SLC25A26: variants seen among roughly 807,000 people sequenced by gnomAD.
SLC25A26 encodes the protein solute carrier family 25 member 26, also known as mitochondrial S-adenosylmethionine carrier protein.
In SLC25A26, 36 loss-of-function variants were observed where a neutral mutation model predicts 37.8. The observed-to-expected ratio is 0.95, with a 90% confidence interval of 0.73 to 1.26. SLC25A26 has a LOEUF of 1.26. Ranked by LOEUF, SLC25A26 falls within the 50% of genes most tolerant of loss-of-function variation. The probability of loss-of-function intolerance (pLI) is 0.00; values close to 1 mark genes in which losing one functional copy is unlikely to be tolerated. For synonymous variants in SLC25A26, 129 were observed against 122.5 expected, an observed-to-expected ratio of 1.05 and a Z score of -0.35; for missense variants, 390 against 331.1, an observed-to-expected ratio of 1.18 and a Z score of -1.38.
At chr3:66,175,153 ACACACAC>A (rs1456900520) in intron 1 of SLC25A26, among the ~76,000 whole-genome samples, 25 of 135,954 alleles carry the variant, frequency 1.8e-4, no homozygotes, top group East Asian at 4.4e-4. Context: ...ACACACACAC[ACACACAC>A]ATTATATGTA....
At chr3:66,210,816 G>A (rs1384043689) in intron 1 of SLC25A26, among the ~76,000 whole-genome samples, 5 of 152,144 alleles carry the variant, frequency 3.3e-5, no homozygotes, top group Admixed American at 1.3e-4. Flanking sequence ...GCCCGGCCTC[G>A]ACTCATCTGA....
intron 6 of SLC25A26, among the ~76,000 whole-genome samples, chr3:66,352,480 T>C (rs1157301447): frequency 6.6e-6 from 1 of 151,614 alleles, no homozygotes; most frequent in Non-Finnish European, 1.5e-5. Flanking sequence ...TTTACATTTG[T>C]AGATCTCCCT....
chr3:66,342,877 G>A (rs2076241116), intron 5 of SLC25A26, among the ~76,000 whole-genome samples: 1 of 152,118 alleles, frequency 6.6e-6, no homozygotes, highest in African/African-American at 2.4e-5. Flanking sequence ...AGTGCCCTGG[G>A]TCTTAACAAC....
At chr3:66,154,658 T>C (rs2070255370) in intron 1 of SLC25A26, among the ~76,000 whole-genome samples, 1 of 151,964 alleles carries the variant, frequency 6.6e-6, no homozygotes, top group African/African-American at 2.4e-5. Context: ...ATTTTTGTTA[T>C]TTTTAGTAGA....
At chr3:66,326,479 C>T (rs1178738794) in intron 5 of SLC25A26, among the ~76,000 whole-genome samples, 1 of 152,196 alleles carries the variant, frequency 6.6e-6, no homozygotes, top group Non-Finnish European at 1.5e-5. Context: ...GCCCCAGAGG[C>T]TTTGCTGGCC....
In SLC25A26 at chr3:66,243,324, G is replaced by A; in HGVS notation, c.300+12G>A. Reference sequence around the variant, plus strand: ...CTGCTGGAGAAGTGGTAAGTAACAAGTTTTGTGTATAAAATACTTCAGAAA... The same window carrying A: ...CTGCTGGAGAAGTGGTAAGTAACAAATTTTGTGTATAAAATACTTCAGAAA... On this transcript the variant is annotated intron_variant, in intron 3 of 9. Coordinates refer to ENST00000354883, the MANE Select transcript of SLC25A26 (RefSeq NM_001379210.1). 7.2e-7 allele frequency: 1 copy of A among 1,395,854 alleles called. No individual in the cohort carries two copies. The highest frequency in any genetic ancestry group is 1.0e-6 in the Non-Finnish European group (1 of 987,880). The allele number at this position is 1,395,854 out of a possible 1,614,324, so 86.5% of individuals were successfully genotyped here.
chr3:66,234,113 C>T (rs550289555), intron 1 of SLC25A26, among the ~76,000 whole-genome samples: 1 of 152,106 alleles, frequency 6.6e-6, no homozygotes, highest in African/African-American at 2.4e-5. Flanking sequence ...GATGAGTCTC[C>T]CTGTGTTGCC....
At chr3:66,191,535 G>A (rs1423175510) in intron 1 of SLC25A26, among the ~76,000 whole-genome samples, 1 of 152,106 alleles carries the variant, frequency 6.6e-6, no homozygotes. Context: ...CATCTAAAAG[G>A]TGTATTCTTT....
At chr3:66,188,378 T>A (rs2070870933) in intron 1 of SLC25A26, among the ~76,000 whole-genome samples, 1 of 152,194 alleles carries the variant, frequency 6.6e-6, no homozygotes, top group Non-Finnish European at 1.5e-5. Flanking sequence ...GTAGGTTGTT[T>A]TGGTCATGGG....
chr3:66,253,023 G>C (rs1387590126), intron 3 of SLC25A26, among the ~76,000 whole-genome samples: 23 of 106,728 alleles, frequency 2.2e-4, no homozygotes, highest in South Asian at 7.0e-4. Context: ...GCAAAATAAT[G>C]CCCCCCCCCC....
intron 1 of SLC25A26, among the ~76,000 whole-genome samples, chr3:66,150,096 A>G (rs1203694302): frequency 6.6e-6 from 1 of 152,174 alleles, no homozygotes; most frequent in African/African-American, 2.4e-5. Flanking sequence ...GGCCATGTCA[A>G]AGTCCTGTCT....
intron 5 of SLC25A26, among the ~76,000 whole-genome samples, chr3:66,300,094 T>C (rs981610296): frequency 6.6e-6 from 1 of 152,184 alleles, no homozygotes; most frequent in Admixed American, 6.5e-5. Flanking sequence ...GTGTCAGCCC[T>C]TTTCATATTT....
At chr3:66,327,747 A>G (rs1461612732) in intron 5 of SLC25A26, among the ~76,000 whole-genome samples, 1 of 152,216 alleles carries the variant, frequency 6.6e-6, no homozygotes, top group Non-Finnish European at 1.5e-5. Flanking sequence ...TATTTAATGT[A>G]TCAAATTGAG....
intron 1 of SLC25A26, among the ~76,000 whole-genome samples, chr3:66,221,383 A>C (rs2071486608): frequency 6.6e-6 from 1 of 152,168 alleles, no homozygotes; most frequent in African/African-American, 2.4e-5. Flanking sequence ...ACCCTCATTT[A>C]CTTAAAAAAG....
chr3:66,303,806 G>T (rs775384498), intron 5 of SLC25A26, among the ~76,000 whole-genome samples: 4 of 152,204 alleles, frequency 2.6e-5, no homozygotes, highest in African/African-American at 7.2e-5. Context: ...TGACAGTCAA[G>T]GTGTTGCAGG....
intron 1 of SLC25A26, among the ~76,000 whole-genome samples, chr3:66,150,612 A>G (rs1205629339): frequency 4.1e-5 from 1 of 24,156 alleles, no homozygotes; most frequent in African/African-American, 2.5e-4. Flanking sequence ...AGATATATAT[A>G]TATATATATA....
intron 5 of SLC25A26, among the ~76,000 whole-genome samples, chr3:66,296,223 C>T (rs1214929718): frequency 6.6e-6 from 1 of 152,112 alleles, no homozygotes; most frequent in Non-Finnish European, 1.5e-5. Flanking sequence ...ATTATTAGTT[C>T]AAAGAAGCAT....
chr3:66,261,736 CT>C (rs1382848291), intron 3 of SLC25A26: 1 of 206,020 alleles, frequency 4.9e-6, no homozygotes, highest in East Asian at 1.5e-4. Context: ...AGTTGCAGTT[CT>C]GGGCGTTGGG....
rs1256110099 is a variant in SLC25A26, at chr3:66,221,025, C to G, written c.-70C>G. ...CAGACCCGCCTCAAACATGGCGGCG[C>G]CCAGCGCGCGAGGACGTGATCCGCT... On this transcript the variant is annotated 5_prime_UTR_variant, in exon 1 of 10. Transcript: ENST00000354883. 1 of 1,504,878 alleles carries G rather than the reference C, an allele frequency of 6.6e-7. No individual in the cohort carries two copies. Among genetic ancestry groups the G allele is most frequent in the Non-Finnish European group, 8.9e-7 (1 of 1,118,302 alleles). The allele number at this position is 1,504,878 out of a possible 1,614,324, so 93.2% of individuals were successfully genotyped here.
Sources: allele counts gnomAD v4.1 joint callset (sites outside exome capture counted in the v4.1 genomes callset), GRCh38; gene constraint gnomAD v4.1.1; transcripts MANE v1.5; gene names NCBI Gene and HGNC (gene_info 2026-07-23, HGNC 2026-07-21).